The following STON2 variants were observed in gnomAD, a reference collection of about 807,000 sequenced individuals.
STON2 encodes the protein stonin 2, also known as stonin-2.
A neutral mutation model predicts 65.7 loss-of-function variants in STON2; 29 were observed. The observed-to-expected ratio is 0.44, with a 90% CI of 0.33 to 0.60. STON2 has a LOEUF of 0.60. Among genes scored for constraint, STON2 ranks in the 20% least tolerant of loss-of-function variants. The pLI is 0.03. For synonymous variants in STON2, 404 were observed against 414.2 expected (o/e 0.98, Z 0.30); for missense variants, 1,054 against 1,118.1 (o/e 0.94, Z 0.82).
At chr14:81,287,741 C>A (rs942798324) in intron 5 of STON2, among the ~76,000 whole-genome samples, 9 of 152,148 alleles carry the variant, frequency 5.9e-5, no homozygotes, top group African/African-American at 2.2e-4. Context: ...TAAACTTCTG[C>A]CTCTGTTTTA....
At chr14:81,377,586 C>A (rs1488034683) in intron 3 of STON2, among the ~76,000 whole-genome samples, 1 of 152,166 alleles carries the variant, frequency 6.6e-6, no homozygotes, top group African/African-American at 2.4e-5. Flanking sequence ...TAAGAAACCA[C>A]CAAACTGTTT....
At chr14:81,342,499 A>G (rs1464929274) in intron 4 of STON2, among the ~76,000 whole-genome samples, 1 of 152,142 alleles carries the variant, frequency 6.6e-6, no homozygotes, top group Non-Finnish European at 1.5e-5. Flanking sequence ...AGTGCAGGGC[A>G]AGGTAGCCCC....
At chr14:81,300,248 A>G (rs1460224881) in intron 5 of STON2, among the ~76,000 whole-genome samples, 2 of 152,048 alleles carry the variant, frequency 1.3e-5, no homozygotes, top group Non-Finnish European at 2.9e-5. Flanking sequence ...CAGAAAAAGT[A>G]GACCTTTACC....
chr14:81,406,671 T>C (rs1900878935), intron 2 of STON2, among the ~76,000 whole-genome samples: 1 of 152,170 alleles, frequency 6.6e-6, no homozygotes, highest in Non-Finnish European at 1.5e-5. Flanking sequence ...GAGATGTTAA[T>C]AAGACGTTAA....
At chr14:81,364,831 C>T (rs1321074775) in intron 4 of STON2, among the ~76,000 whole-genome samples, 3 of 152,122 alleles carry the variant, frequency 2.0e-5, no homozygotes, top group African/African-American at 7.2e-5. Flanking sequence ...AAGTGGGATA[C>T]AAACATCAGG....
At chr14:81,352,016 G>C (rs1595383592) in intron 4 of STON2, among the ~76,000 whole-genome samples, 1 of 152,044 alleles carries the variant, frequency 6.6e-6, no homozygotes, top group Non-Finnish European at 1.5e-5. Flanking sequence ...AAATACATAA[G>C]ACTTAAAAAG....
upstream of STON2, among the ~76,000 whole-genome samples, chr14:81,401,698 T>G (rs990065382): frequency 3.9e-5 from 6 of 152,212 alleles, no homozygotes; most frequent in Admixed American, 2.6e-4. Flanking sequence ...GACCAACAGA[T>G]GCTAAAAGTT....
upstream of STON2, among the ~76,000 whole-genome samples, chr14:81,403,107 T>C (rs956712864): frequency 3.3e-5 from 5 of 152,226 alleles, no homozygotes; most frequent in African/African-American, 7.2e-5. Context: ...GTGAATCCTA[T>C]ATTCCTGATG....
intron 2 of STON2, among the ~76,000 whole-genome samples, chr14:81,416,382 C>CG (rs796257903): frequency 9.2e-5 from 14 of 152,052 alleles, no homozygotes; most frequent in African/African-American, 3.1e-4. Flanking sequence ...TTAGAAATTT[C>CG]GGGAAAAAAA....
chr14:81,427,715 G>GA lies in STON2; in HGVS notation c.-309-504dup, dbSNP rs1162595135. ...AACAAAAAGAATAAGGATGAGATGG[G>GA]AAAAAAAAAAAGAGAGAGAGAAAAA... is the stretch of plus-strand genomic sequence containing the variant. On this transcript the variant is annotated intron_variant, in intron 1 of 8. Transcript: ENST00000553821. 6.0e-3 allele frequency among the ~76,000 whole-genome samples: 877 copies of GA among 145,124 alleles called. 4 individuals are homozygous for GA. Among genetic ancestry groups the GA allele is most frequent in the Middle Eastern group, 0.011 (3 of 282 alleles).
At chr14:81,432,338 G>A (rs989424390) in intron 1 of STON2, among the ~76,000 whole-genome samples, 9 of 152,178 alleles carry the variant, frequency 5.9e-5, no homozygotes, top group South Asian at 4.2e-4. Context: ...GCTCCATCTC[G>A]TAGTATAAGC....
chr14:81,357,041 T>A (rs563722910), intron 4 of STON2, among the ~76,000 whole-genome samples: 1 of 152,164 alleles, frequency 6.6e-6, no homozygotes, highest in Admixed American at 6.5e-5. Flanking sequence ...AAAGCTAAAA[T>A]TGACAAATGG....
chr14:81,382,148 G>A (rs1202971422), intron 3 of STON2, among the ~76,000 whole-genome samples: 1 of 152,100 alleles, frequency 6.6e-6, no homozygotes, highest in African/African-American at 2.4e-5. Context: ...GAATCCGGGA[G>A]GCGGACGTTG....
At chr14:81,423,147 A>T (rs183132754) in intron 2 of STON2, among the ~76,000 whole-genome samples, 38 of 152,288 alleles carry the variant, frequency 2.5e-4, no homozygotes, top group Non-Finnish European at 5.1e-4. Flanking sequence ...TGCGCTGCAC[A>T]CTTTTCTTGA....
chr14:81,288,690 G>A (rs1029869249), intron 5 of STON2, among the ~76,000 whole-genome samples: 3 of 152,078 alleles, frequency 2.0e-5, no homozygotes, highest in Admixed American at 6.6e-5. Context: ...CTGCTCAATG[G>A]ACCATCAAAC....
chr14:81,403,818 T>C (rs1212905746), upstream of STON2, among the ~76,000 whole-genome samples: 2 of 152,246 alleles, frequency 1.3e-5, no homozygotes, highest in East Asian at 3.8e-4. Context: ...AACTCTGATC[T>C]ATGGTGGTAC....
At chr14:81,429,538 T>C (rs1175589231) in intron 1 of STON2, among the ~76,000 whole-genome samples, 1 of 152,210 alleles carries the variant, frequency 6.6e-6, no homozygotes, top group Non-Finnish European at 1.5e-5. Flanking sequence ...ACTGAATGGC[T>C]TCATTTGTAG....
intron 2 of STON2, among the ~76,000 whole-genome samples, chr14:81,423,538 G>C (rs1901818519): frequency 6.6e-6 from 1 of 152,128 alleles, no homozygotes; most frequent in Non-Finnish European, 1.5e-5. Flanking sequence ...AGGCACTGTG[G>C]CTTCTACTGA....
intron 6 of STON2, among the ~76,000 whole-genome samples, chr14:81,274,123 A>G (rs1340483216): frequency 6.6e-6 from 1 of 152,122 alleles, no homozygotes; most frequent in Non-Finnish European, 1.5e-5. Flanking sequence ...TTCAGATCCT[A>G]TACACCTCAA....
Sources: allele counts gnomAD v4.1 joint callset (sites outside exome capture counted in the v4.1 genomes callset), GRCh38; gene constraint gnomAD v4.1.1; transcripts MANE v1.5; gene names NCBI Gene and HGNC (gene_info 2026-07-23, HGNC 2026-07-21).